The following N4BP2L2 variants were observed in gnomAD, a reference collection of about 807,000 sequenced individuals.
The protein encoded by N4BP2L2 is NEDD4 binding protein 2 like 2.
A neutral mutation model predicts 56.2 loss-of-function variants in N4BP2L2; 50 were observed. That is an observed-to-expected ratio of 0.89 (90% CI 0.71 to 1.13). N4BP2L2 has a LOEUF of 1.13. Ranked by LOEUF, N4BP2L2 falls within the 50% of genes most tolerant of loss-of-function variation. The probability of loss-of-function intolerance (pLI) is 0.00; values close to 1 mark genes in which losing one functional copy is unlikely to be tolerated. For synonymous variants in N4BP2L2, 203 were observed against 223.6 expected, an observed-to-expected ratio of 0.91 and a Z score of 0.82; for missense variants, 689 against 693.8, an observed-to-expected ratio of 0.99 and a Z score of 0.08.
At chr13:32,439,886 C>T (rs923632197) in intron 7 of N4BP2L2, among the ~76,000 whole-genome samples, 5 of 149,726 alleles carry the variant, frequency 3.3e-5, no homozygotes, top group South Asian at 2.1e-4. Context: ...ATTAGCCGGG[C>T]GCAGTGGCGG....
chr13:32,516,257 T>A (rs1477696221), exon 6 of N4BP2L2: 1 of 152,024 alleles, frequency 6.6e-6, no homozygotes, highest in East Asian at 1.9e-4. Context: ...AAAACATAGA[T>A]GAAGATGTGT....
intron 6 of N4BP2L2, among the ~76,000 whole-genome samples, chr13:32,453,941 T>A (rs1376097785): frequency 6.6e-6 from 1 of 152,146 alleles, no homozygotes; most frequent in East Asian, 1.9e-4. Flanking sequence ...CACTGTCAGT[T>A]GGGGTAAGGC....
At chr13:32,526,468 T>C (rs2052823152) in intron 3 of N4BP2L2, among the ~76,000 whole-genome samples, 1 of 152,044 alleles carries the variant, frequency 6.6e-6, no homozygotes, top group South Asian at 2.1e-4. Context: ...GTATGATGTC[T>C]AGAATTTGCT....
At position 32,451,088 on chromosome 13, in the gene N4BP2L2, C is replaced by T. The variant is rs536394136; in HGVS notation, c.366-6962G>A. Among the ~76,000 whole-genome samples, 375 of 152,072 alleles carry T rather than the reference C, an allele frequency of 2.5e-3. 2 individuals carry two copies. Among genetic ancestry groups the T allele is most frequent in the African/African-American group, 8.2e-3 (339 of 41,474 alleles). On this transcript the variant is annotated intron_variant, in intron 6 of 9. Coordinates refer to the N4BP2L2 transcript ENST00000357505. ...AAGGAAAGACACAAAATTAATGAGT[C>T]AACCACACAACTGGAGAAGTTACAG...
exon 8 of N4BP2L2, chr13:32,438,725 G>A: frequency 6.2e-7 from 1 of 1,607,724 alleles, no homozygotes; most frequent in African/African-American, 1.3e-5. Context: ...ATAGTCATCA[G>A]GCAACAAGGA....
At chr13:32,442,827 A>G (rs762512879) in exon 7 of N4BP2L2, 4 of 1,613,762 alleles carry the variant, frequency 2.5e-6, no homozygotes, top group Non-Finnish European at 3.4e-6. Flanking sequence ...GCTGTCCATC[A>G]ATATTTAAAG....
rs112740850 is a variant in N4BP2L2, at chr13:32,463,082, TA to T, written c.366-18957del. ...AAAATATACAAATATTACACATTAA[TA>T]AAAAATTTCAAAAACAAACAAAAAG... On this transcript the variant is annotated intron_variant, in intron 6 of 9. Coordinates refer to the N4BP2L2 transcript ENST00000357505. Among the ~76,000 whole-genome samples the T allele has an allele frequency of 3.3e-5, 5 of 151,338 alleles. No individual in the cohort carries two copies. The South Asian group carries it at 1.0e-3, about 32-fold the overall frequency.
chr13:32,483,260 T>C (rs1317123245), intron 6 of N4BP2L2, among the ~76,000 whole-genome samples: 1 of 152,176 alleles, frequency 6.6e-6, no homozygotes, highest in Non-Finnish European at 1.5e-5. Context: ...AGCAAATCTA[T>C]CAGGGCAACT....
chr13:32,523,621 T>C (rs1308832898), intron 3 of N4BP2L2: 2 of 142,222 alleles, frequency 1.4e-5, no homozygotes, highest in African/African-American at 3.0e-5. Context: ...GAGGCGGAGG[T>C]TGCAGTGAGC....
At chr13:32,528,691 T>G (rs543431714) in intron 2 of N4BP2L2, among the ~76,000 whole-genome samples, 2 of 152,138 alleles carry the variant, frequency 1.3e-5, no homozygotes, top group Admixed American at 1.3e-4. Flanking sequence ...CTGTATAATT[T>G]TGAGGGGATT....
At chr13:32,480,361 T>C (rs1377871104) in intron 6 of N4BP2L2, among the ~76,000 whole-genome samples, 3 of 152,142 alleles carry the variant, frequency 2.0e-5, no homozygotes, top group Non-Finnish European at 2.9e-5. Flanking sequence ...TTTAATGCAA[T>C]TGTAAAGAGT....
chr13:32,533,198 A>T (rs901200030), intron 2 of N4BP2L2, among the ~76,000 whole-genome samples: 7 of 152,162 alleles, frequency 4.6e-5, no homozygotes, highest in African/African-American at 1.7e-4. Context: ...TTCATACAAA[A>T]ATTCCTTTGG....
intron 6 of N4BP2L2, among the ~76,000 whole-genome samples, chr13:32,450,870 TTCTC>T (rs534768522): frequency 1.7e-3 from 102 of 59,892 alleles, no homozygotes; most frequent in East Asian, 5.8e-3. Flanking sequence ...CCCCATCCCC[TTCTC>T]TCTCTCTCTC....
chr13:32,434,573 C>T (rs2075263844), intron 9 of N4BP2L2, among the ~76,000 whole-genome samples: 1 of 152,142 alleles, frequency 6.6e-6, no homozygotes, highest in African/African-American at 2.4e-5. Context: ...CACCCTGCCC[C>T]ACTGCCGTAA....
At chr13:32,532,256 C>A (rs577614653) in intron 2 of N4BP2L2, among the ~76,000 whole-genome samples, 2 of 152,102 alleles carry the variant, frequency 1.3e-5, no homozygotes, top group African/African-American at 4.8e-5. Context: ...ATGATAACAA[C>A]AAAAAACTAA....
At chr13:32,527,674 A>AAG in intron 2 of N4BP2L2, 142 bp from the exon 3 acceptor site, 10 of 902,928 alleles carry the variant, frequency 1.1e-5, no homozygotes, top group Non-Finnish European at 1.5e-5. Flanking sequence ...ACCTGAAAGT[A>AAG]TATCACGAAC....
intron 6 of N4BP2L2, among the ~76,000 whole-genome samples, chr13:32,499,642 A>G (rs1341691362): frequency 6.6e-6 from 1 of 152,140 alleles, no homozygotes; most frequent in African/African-American, 2.4e-5. Flanking sequence ...ATGGACTCCA[A>G]TCTCTGCTCT....
intron 7 of N4BP2L2, among the ~76,000 whole-genome samples, chr13:32,440,392 T>A (rs991183736): frequency 6.6e-6 from 1 of 152,200 alleles, no homozygotes. Context: ...CTAGAAAATA[T>A]CAGCTATTGA....
rs115391404 is a variant in N4BP2L2, at chr13:32,493,290, T to C, written c.365+24567A>G. 5.6e-3 allele frequency among the ~76,000 whole-genome samples: 848 copies of C among 152,240 alleles called. 5 individuals are homozygous for C. The highest frequency in any genetic ancestry group is 0.019 in the African/African-American group (808 of 41,522). The stretch of plus-strand genomic sequence containing the variant: ...TTTCTGGCTGTCCTTCAGTTCTGAC[T>C]TCTTTGATTCAGTTCTCATGCCTCT... On this transcript the variant is annotated intron_variant, in intron 6 of 9. Coordinates refer to the N4BP2L2 transcript ENST00000357505.
Sources: gnomAD v4.1 joint callset for allele counts (sites outside exome capture counted in the v4.1 genomes callset) on GRCh38, gnomAD v4.1.1 for gene constraint, MANE v1.5 for transcripts, NCBI Gene and HGNC (gene_info 2026-07-23, HGNC 2026-07-21) for gene names.